ARL15: variants seen among roughly 807,000 people sequenced by gnomAD.
ARL15 encodes the protein ARF like GTPase 15.
A neutral mutation model predicts 25.2 loss-of-function variants in ARL15; 19 were observed. The observed-to-expected ratio is 0.75, with a 90% confidence interval of 0.53 to 1.10. ARL15 has a LOEUF of 1.10. Among genes scored for constraint, ARL15 ranks in the 50% least tolerant of loss-of-function variants. The probability of loss-of-function intolerance (pLI) is 0.00; values close to 1 mark genes in which losing one functional copy is unlikely to be tolerated. For synonymous variants in ARL15, 94 were observed against 86.8 expected (o/e 1.08, Z -0.46); for missense variants, 220 against 246.0 (o/e 0.89, Z 0.71).
chr5:54,089,096 A>G (rs774232236), intron 4 of ARL15, among the ~76,000 whole-genome samples: 1 of 152,202 alleles, frequency 6.6e-6, no homozygotes, highest in Non-Finnish European at 1.5e-5. Context: ...AAGTGCTGTA[A>G]AAAGATAAAC....
intron 4 of ARL15, among the ~76,000 whole-genome samples, chr5:53,893,287 A>C (rs1207229742): frequency 6.6e-6 from 1 of 151,882 alleles, no homozygotes; most frequent in African/African-American, 2.4e-5. Flanking sequence ...CGAGTACAAC[A>C]AATCAGGACT....
intron 2 of ARL15, among the ~76,000 whole-genome samples, chr5:54,171,582 T>C (rs1579870550): frequency 6.6e-6 from 1 of 152,208 alleles, no homozygotes; most frequent in South Asian, 2.1e-4. Context: ...TGAAATGACC[T>C]GCTAGAGGGA....
chr5:54,220,797 C>T (rs1191945152), intron 1 of ARL15, among the ~76,000 whole-genome samples: 1 of 152,126 alleles, frequency 6.6e-6, no homozygotes, highest in Non-Finnish European at 1.5e-5. Flanking sequence ...GGAACTAATT[C>T]ATGGTGACCA....
At chr5:54,162,434 A>G (rs1235558478) in intron 2 of ARL15, among the ~76,000 whole-genome samples, 1 of 152,066 alleles carries the variant, frequency 6.6e-6, no homozygotes, top group Non-Finnish European at 1.5e-5. Flanking sequence ...TTCTTCCTCC[A>G]TACACTAGCA....
intron 4 of ARL15, among the ~76,000 whole-genome samples, chr5:53,899,347 CAAAAAAAAAAAAA>C (rs59145507): frequency 1.5e-4 from 13 of 89,390 alleles, no homozygotes; most frequent in African/African-American, 4.9e-4. Context: ...GACTCTATCC[CAAAAAAAAAAAAA>C]AAAAAAAAAA....
chr5:54,274,864 A>C (rs1310188821), intron 1 of ARL15, among the ~76,000 whole-genome samples: 1 of 152,216 alleles, frequency 6.6e-6, no homozygotes, highest in Non-Finnish European at 1.5e-5. Context: ...ACTACACTCC[A>C]GTCTGGATGA....
At chr5:54,025,397 C>CA (rs1749760865) in intron 4 of ARL15, among the ~76,000 whole-genome samples, 1 of 150,638 alleles carries the variant, frequency 6.6e-6, no homozygotes, top group Non-Finnish European at 1.5e-5. Context: ...TGTAAGGAAA[C>CA]AGAGAATTTA....
chr5:54,129,112 C>A (rs1171267161), intron 3 of ARL15, among the ~76,000 whole-genome samples: 3 of 152,114 alleles, frequency 2.0e-5, no homozygotes, highest in Non-Finnish European at 2.9e-5. Context: ...AACAAAAAAA[C>A]CAATCCCTTC....
intron 4 of ARL15, among the ~76,000 whole-genome samples, chr5:53,971,073 T>G (rs1747735768): frequency 6.6e-6 from 1 of 152,146 alleles, no homozygotes; most frequent in African/African-American, 2.4e-5. Flanking sequence ...AGTCAGTATC[T>G]TCTGTGGCTG....
intron 2 of ARL15, among the ~76,000 whole-genome samples, chr5:54,161,173 C>A (rs1754391212): frequency 6.6e-6 from 1 of 152,048 alleles, no homozygotes; most frequent in South Asian, 2.1e-4. Flanking sequence ...TTAACAAACT[C>A]CCTTGTTGTA....
intron 4 of ARL15, among the ~76,000 whole-genome samples, chr5:53,951,323 T>C (rs1441641176): frequency 6.6e-6 from 1 of 152,220 alleles, no homozygotes; most frequent in Non-Finnish European, 1.5e-5. Context: ...TGGTTTGTTT[T>C]GAGTATTTGT....
chr5:54,243,912 G>A (rs1268995367), intron 1 of ARL15, among the ~76,000 whole-genome samples: 2 of 152,218 alleles, frequency 1.3e-5, no homozygotes, highest in East Asian at 1.9e-4. Context: ...TGAGAGATTC[G>A]GACCAATCTC....
intron 4 of ARL15, among the ~76,000 whole-genome samples, chr5:53,953,876 A>G (rs543066613): frequency 5.9e-5 from 9 of 152,320 alleles, no homozygotes; most frequent in African/African-American, 2.2e-4. Context: ...TTAATGAATT[A>G]TCTATGATCA....
intron 3 of ARL15, among the ~76,000 whole-genome samples, chr5:54,138,344 C>T (rs1753667528): frequency 6.6e-6 from 1 of 152,074 alleles, no homozygotes; most frequent in African/African-American, 2.4e-5. Context: ...ACCAATGGAA[C>T]AGGATAGAGA....
chr5:54,153,589 C>T (rs1054663433), intron 3 of ARL15, among the ~76,000 whole-genome samples: 1 of 152,052 alleles, frequency 6.6e-6, no homozygotes, highest in East Asian at 1.9e-4. Flanking sequence ...ATTTATTGAT[C>T]ATGGTTGTTT....
intron 4 of ARL15, among the ~76,000 whole-genome samples, chr5:53,993,206 C>T (rs1010323406): frequency 5.9e-5 from 9 of 152,190 alleles, no homozygotes; most frequent in Admixed American, 1.3e-4. Flanking sequence ...AGAATAATCC[C>T]ACTCCTAGTC....
intron 4 of ARL15, among the ~76,000 whole-genome samples, chr5:53,964,447 C>T (rs919346911): frequency 2.0e-5 from 3 of 152,118 alleles, no homozygotes; most frequent in Non-Finnish European, 1.5e-5. Flanking sequence ...GCATGCTCCG[C>T]CTCCCGGGTT....
intron 4 of ARL15, among the ~76,000 whole-genome samples, chr5:53,940,435 G>T (rs2112083145): frequency 6.6e-6 from 1 of 152,274 alleles, no homozygotes. Flanking sequence ...AACTTTGAAA[G>T]AGATTAAGAG....
intron 4 of ARL15, among the ~76,000 whole-genome samples, chr5:53,963,475 A>G (rs1316248951): frequency 1.3e-5 from 2 of 152,334 alleles, no homozygotes; most frequent in Admixed American, 1.3e-4. Flanking sequence ...AAATAAATTC[A>G]TACAAAATGA....
Sources: gnomAD v4.1 joint callset for allele counts (sites outside exome capture counted in the v4.1 genomes callset) on GRCh38, gnomAD v4.1.1 for gene constraint, MANE v1.5 for transcripts, NCBI Gene and HGNC (gene_info 2026-07-23, HGNC 2026-07-21) for gene names.